Variants in ARID1B observed in about 807,000 individuals in gnomAD.
The protein encoded by ARID1B is AT-rich interactive domain-containing protein 1B.
ARID1B carries 30 observed loss-of-function variants against 212.3 expected under a neutral mutation model. The observed-to-expected ratio is 0.14, with a 90% CI of 0.11 to 0.19. The LOEUF is 0.19. ARID1B is among the 10% of genes least tolerant of loss of function. The pLI is 1.00. For synonymous variants in ARID1B, 1,402 were observed against 1,301.7 expected (o/e 1.08, Z -1.66); for missense variants, 2,891 against 3,204.0 (o/e 0.90, Z 2.36).
intron 2 of ARID1B, 160 bp downstream of exon 2, chr6:156,829,581 T>A: frequency 1.1e-6 from 1 of 873,882 alleles, no homozygotes; most frequent in Non-Finnish European, 1.7e-6. Flanking sequence ...ATTTTTTTTT[T>A]CTTTTAAAGA....
intron 4 of ARID1B, among the ~76,000 whole-genome samples, chr6:156,971,240 C>T (rs542627424): frequency 1.2e-4 from 18 of 152,232 alleles, no homozygotes; most frequent in African/African-American, 4.3e-4. Flanking sequence ...TAAATTGCAG[C>T]GTTATCTGTA....
intron 4 of ARID1B, among the ~76,000 whole-genome samples, chr6:157,000,647 A>G (rs1449723322): frequency 2.0e-5 from 3 of 151,000 alleles, no homozygotes; most frequent in Non-Finnish European, 2.9e-5. Context: ...GATTCCTCCA[A>G]TAATTATGAT....
At position 157,206,150 on chromosome 6, in the gene ARID1B, C is replaced by T; in HGVS notation, c.5395-17C>T. On this transcript the variant is annotated splice_polypyrimidine_tract_variant and intron_variant, in intron 19 of 19. Transcript: ENST00000636930. The surrounding 1 kb of genome is among the most constrained non-coding windows in gnomAD (Gnocchi z 6.8). The stretch of plus-strand genomic sequence containing the variant: ...TTGTACCTGTTCTTTCTTTCTTCTC[C>T]TCCTCCTCCTCTCCAGTTGTCTGGA... The T allele has an allele frequency of 1.9e-6, 3 of 1,611,726 alleles. No homozygotes were observed. The South Asian group carries it at 3.3e-5, about 18-fold the overall frequency.
At chr6:156,968,030 A>G (rs1794892536) in intron 4 of ARID1B, among the ~76,000 whole-genome samples, 1 of 152,210 alleles carries the variant, frequency 6.6e-6, no homozygotes. Context: ...CTCTTAGGTC[A>G]CACGTGACCT....
chr6:157,020,772 G>C (rs1360622854), intron 4 of ARID1B, among the ~76,000 whole-genome samples: 1 of 151,978 alleles, frequency 6.6e-6, no homozygotes, highest in Non-Finnish European at 1.5e-5. Flanking sequence ...TATAACTCTT[G>C]GTCATAACTC....
intron 3 of ARID1B, among the ~76,000 whole-genome samples, chr6:156,932,427 C>T (rs940005761): frequency 1.2e-4 from 13 of 107,098 alleles, no homozygotes; most frequent in African/African-American, 6.7e-4. Flanking sequence ...TTCTATACAG[C>T]AGATAAATGT....
chr6:157,181,448 G>T (rs760628806), intron 12 of ARID1B, among the ~76,000 whole-genome samples: 1 of 152,168 alleles, frequency 6.6e-6, no homozygotes, highest in Non-Finnish European at 1.5e-5. Flanking sequence ...AGATTTTCCT[G>T]TAGGTTTTCT....
At chr6:157,118,749 A>G (rs1015625451) in intron 6 of ARID1B, among the ~76,000 whole-genome samples, 8 of 152,242 alleles carry the variant, frequency 5.3e-5, no homozygotes, top group African/African-American at 1.9e-4. Context: ...AGCTATCCAG[A>G]AATAGGTTCA....
intron 4 of ARID1B, among the ~76,000 whole-genome samples, chr6:157,047,182 G>A (rs1420581837): frequency 1.5e-4 from 23 of 152,112 alleles, no homozygotes; most frequent in Admixed American, 1.5e-3. Flanking sequence ...AGTGAAAACG[G>A]TATTTTTCTT....
intron 9 of ARID1B, chr6:157,167,630 T>G (rs1791428447): frequency 6.4e-6 from 1 of 156,058 alleles, no homozygotes; most frequent in African/African-American, 2.4e-5. Flanking sequence ...TCTAAATGTA[T>G]GCTCGGAAGT....
chr6:156,853,197 A>T (rs1490785450), intron 2 of ARID1B, among the ~76,000 whole-genome samples: 1 of 152,234 alleles, frequency 6.6e-6, no homozygotes, highest in Non-Finnish European at 1.5e-5. Context: ...ACACATTGGG[A>T]TTATAGTACT....
chr6:156,988,751 A>G (rs914752931), intron 4 of ARID1B, among the ~76,000 whole-genome samples: 2 of 152,182 alleles, frequency 1.3e-5, no homozygotes, highest in African/African-American at 4.8e-5. Flanking sequence ...ACACTTCAGC[A>G]TGTTGAGCCA....
chr6:157,031,205 A>C (rs1780997660), intron 4 of ARID1B, among the ~76,000 whole-genome samples: 1 of 152,206 alleles, frequency 6.6e-6, no homozygotes, highest in African/African-American at 2.4e-5. Context: ...CTGCAGTTTA[A>C]ATTGTCATAA....
chr6:157,161,251 C>G (rs1190644139), intron 8 of ARID1B, among the ~76,000 whole-genome samples: 1 of 152,068 alleles, frequency 6.6e-6, no homozygotes, highest in African/African-American at 2.4e-5. Flanking sequence ...TCTAATGAGA[C>G]AAATGCCACT....
intron 4 of ARID1B, among the ~76,000 whole-genome samples, chr6:157,062,869 A>T (rs1370725606): frequency 1.3e-5 from 2 of 151,224 alleles, no homozygotes; most frequent in Non-Finnish European, 1.5e-5. Context: ...ACACCTGCCT[A>T]ATTTTTTGTA....
chr6:157,172,318 AT>A (rs1791766710), intron 9 of ARID1B, among the ~76,000 whole-genome samples: 1 of 152,250 alleles, frequency 6.6e-6, no homozygotes, highest in Admixed American at 6.5e-5. Context: ...ATTCACAAAA[AT>A]AACAGCATTT....
intron 1 of ARID1B, among the ~76,000 whole-genome samples, chr6:156,785,287 G>T (rs1779557424): frequency 6.6e-6 from 1 of 152,190 alleles, no homozygotes. Context: ...AAATCAGGTA[G>T]ATGGCAGCAG....
intron 6 of ARID1B, 153 bp downstream of exon 6, chr6:157,110,714 A>G: frequency 4.0e-6 from 3 of 749,422 alleles, no homozygotes; most frequent in Non-Finnish European, 6.6e-6. Flanking sequence ...CCTTCCAACA[A>G]ATATGGAGAG....
intron 3 of ARID1B, among the ~76,000 whole-genome samples, chr6:156,932,830 T>C (rs1196613946): frequency 6.6e-6 from 1 of 152,240 alleles, no homozygotes; most frequent in Non-Finnish European, 1.5e-5. Flanking sequence ...TTAATACTTA[T>C]GTTCAAACAT....
Sources: gnomAD v4.1 joint callset for allele counts (sites outside exome capture counted in the v4.1 genomes callset) on GRCh38, gnomAD v4.1.1 for gene constraint, Gnocchi (gnomAD v3.1) non-coding constraint, MANE v1.5 for transcripts, NCBI Gene and HGNC (gene_info 2026-07-23, HGNC 2026-07-21) for gene names.